The following BANP variants were observed in gnomAD, a reference collection of about 807,000 sequenced individuals.
BANP encodes the protein BTG3 associated nuclear protein.
In BANP, 11 loss-of-function variants were observed where a neutral mutation model predicts 68.1. The observed-to-expected ratio is 0.16, with a 90% CI of 0.10 to 0.27. The LOEUF is 0.27. Among genes scored for constraint, BANP ranks in the 10% least tolerant of loss-of-function variants. The pLI is 1.00. For missense variants in BANP, 504 were observed against 722.7 expected, an observed-to-expected ratio of 0.70 and a Z score of 3.47; for synonymous variants, 329 against 303.2, an observed-to-expected ratio of 1.09 and a Z score of -0.88.
intron 12 of BANP, among the ~76,000 whole-genome samples, chr16:88,069,542 A>G (rs2089760961): frequency 6.6e-6 from 1 of 152,090 alleles, no homozygotes; most frequent in Non-Finnish European, 1.5e-5. Flanking sequence ...GTGGTGGCCC[A>G]GGAGAGTGCC....
At chr16:87,990,809 C>A (rs548693768) in intron 4 of BANP, among the ~76,000 whole-genome samples, 3 of 152,304 alleles carry the variant, frequency 2.0e-5, no homozygotes, top group Admixed American at 2.0e-4. Context: ...GTCGCCCAGG[C>A]TGGAGTGCAG....
At position 87,975,111 on chromosome 16, in the gene BANP, T is replaced by C. The variant is rs1262757252; in HGVS notation, c.-5T>C. On this transcript the variant is annotated 5_prime_UTR_variant, in exon 2 of 14. Transcript: ENST00000682872. ...CGTGTTGACCGGCCACTCTCCGTGC[T>C]CTGGATGATGTCGGAACACGACCTG... The C allele has an allele frequency of 1.2e-6, 2 of 1,613,770 alleles. No homozygotes were observed. Among genetic ancestry groups the C allele is most frequent in the African/African-American group, 1.3e-5 (1 of 74,888 alleles).
intron 7 of BANP, among the ~76,000 whole-genome samples, chr16:88,026,535 GA>G (rs1358545951): frequency 2.0e-5 from 3 of 152,164 alleles, no homozygotes; most frequent in African/African-American, 7.2e-5. Flanking sequence ...GTGCATACAT[GA>G]ATTCTCCAAA....
rs143213419 is a variant in BANP at position 88,060,026 on chromosome 16, T to C, written c.1312-5241T>C. ...GAGACTGGCTTGGCGCAGCTGTCTGTCTCTGGGCCTTCCTCTGAAGATGGC... is the reference window on the plus strand; with the variant it reads ...GAGACTGGCTTGGCGCAGCTGTCTGCCTCTGGGCCTTCCTCTGAAGATGGC... On this transcript the variant is annotated intron_variant, in intron 11 of 13. Transcript: ENST00000682872. 7.9e-3 allele frequency among the ~76,000 whole-genome samples: 1,202 copies of C among 152,334 alleles called. 13 individuals are homozygous for C. Among genetic ancestry groups the C allele is most frequent in the African/African-American group, 0.027 (1,135 of 41,586 alleles).
chr16:88,043,197 C>T (rs1246632759), intron 11 of BANP, among the ~76,000 whole-genome samples: 1 of 152,234 alleles, frequency 6.6e-6, no homozygotes, highest in Non-Finnish European at 1.5e-5. Context: ...GGAAGCCAAA[C>T]AGCCACTGCT....
chr16:87,974,512 G>T (rs2061672702), intron 1 of BANP, among the ~76,000 whole-genome samples: 1 of 152,238 alleles, frequency 6.6e-6, no homozygotes, highest in Non-Finnish European at 1.5e-5. Flanking sequence ...CGCCGGGCCT[G>T]TGGGGTAGCA....
chr16:88,019,589 G>A (rs192244641), intron 7 of BANP, among the ~76,000 whole-genome samples: 7 of 6,112 alleles, frequency 1.1e-3, no homozygotes, highest in African/African-American at 2.9e-3. Flanking sequence ...CCGGGATCTC[G>A]GCGTGCGGGA....
intron 11 of BANP, among the ~76,000 whole-genome samples, chr16:88,040,138 T>G (rs900664072): frequency 6.6e-6 from 1 of 152,186 alleles, no homozygotes; most frequent in African/African-American, 2.4e-5. Flanking sequence ...ACATGGCCCC[T>G]GCTTCTCTTG....
At chr16:88,019,148 G>A (rs180769685) in intron 7 of BANP, among the ~76,000 whole-genome samples, 195 of 152,314 alleles carry the variant, frequency 1.3e-3, no homozygotes, top group African/African-American at 4.2e-3. Flanking sequence ...GGAGCCAGGA[G>A]AGCTCCAAAG....
chr16:88,054,133 A>G (rs1182948490), intron 11 of BANP, among the ~76,000 whole-genome samples: 1 of 110,542 alleles, frequency 9.0e-6, no homozygotes, highest in Non-Finnish European at 2.1e-5. Flanking sequence ...AACCACCTTA[A>G]CAAACACTAC....
intron 4 of BANP, among the ~76,000 whole-genome samples, chr16:87,992,915 C>T (rs1383153288): frequency 6.6e-5 from 10 of 152,218 alleles, no homozygotes; most frequent in Non-Finnish European, 7.3e-5. Flanking sequence ...ATGGTACCCA[C>T]TGTATGTTTC....
At chr16:87,986,346 A>G (rs2064414992) in intron 4 of BANP, among the ~76,000 whole-genome samples, 1 of 152,218 alleles carries the variant, frequency 6.6e-6, no homozygotes, top group African/African-American at 2.4e-5. Context: ...ATTGGTCGTT[A>G]GATTCCACCG....
chr16:88,075,968 A>AC (rs2091522417), intron 13 of BANP, among the ~76,000 whole-genome samples: 2 of 149,674 alleles, frequency 1.3e-5, no homozygotes, highest in South Asian at 4.2e-4. Flanking sequence ...CTAGGCTTGA[A>AC]CTCCTGACCT....
At chr16:87,960,549 G>A (rs976708600) in intron 1 of BANP, among the ~76,000 whole-genome samples, 1 of 152,216 alleles carries the variant, frequency 6.6e-6, no homozygotes, top group Admixed American at 6.5e-5. Context: ...CATAGGGAGT[G>A]CCCTTGTGCC....
intron 7 of BANP, among the ~76,000 whole-genome samples, chr16:88,020,003 C>G (rs767628815): frequency 6.6e-6 from 1 of 152,144 alleles, no homozygotes; most frequent in African/African-American, 2.4e-5. Flanking sequence ...AGGCGTGTGC[C>G]CCAGCTGTCA....
intron 1 of BANP, among the ~76,000 whole-genome samples, chr16:87,953,144 AT>A (rs1373828620): frequency 1.3e-5 from 2 of 151,956 alleles, no homozygotes; most frequent in South Asian, 2.1e-4. Flanking sequence ...ACTTGCTCAG[AT>A]TTACAGAGCC....
chr16:88,071,339 A>C lies in BANP; in HGVS notation c.1378-730A>C. 2.6e-6 allele frequency: 1 copy of C among 378,284 alleles called. No individual in the cohort carries two copies. The allele number at this position is 378,284 out of a possible 1,614,324, so 23.4% of individuals were successfully genotyped here. A position where few individuals can be genotyped will look rare whatever the true frequency, so the allele number is the denominator to read the frequency against. ...CTTGACACCGGAGCTGCCTGCCTGG[A>C]TGTTGGAGCGCCCAGTGGATTGAGT... On this transcript the variant is annotated intron_variant, in intron 12 of 13. Coordinates refer to ENST00000682872, the MANE Select transcript of BANP (RefSeq NM_001386991.1). This position sits in a 1 kb window ranked among gnomAD's most constrained non-coding sequence, Gnocchi z 6.5.
chr16:88,014,605 A>C (rs1373694441), intron 6 of BANP, among the ~76,000 whole-genome samples: 2 of 151,748 alleles, frequency 1.3e-5, no homozygotes, highest in East Asian at 3.9e-4. Context: ...GAGCACTGTT[A>C]ATTCCTGAGA....
chr16:88,033,063 C>G lies in BANP; in HGVS notation c.1064-46C>G, dbSNP rs567503621. The G allele has an allele frequency of 5.6e-5, 86 of 1,545,794 alleles. 1 individual carries two copies. In the Admixed American group the frequency reaches 1.0e-3, roughly 19 times the overall value. ...GCACACATGCCACACCAGGCAATGC[C>G]TAAGAAACTTCTCGTTCACCCCGTT... On this transcript the variant is annotated intron_variant, in intron 8 of 13. Transcript: ENST00000682872.
Sources: gnomAD v4.1 joint callset for allele counts (sites outside exome capture counted in the v4.1 genomes callset) on GRCh38, gnomAD v4.1.1 for gene constraint, Gnocchi (gnomAD v3.1) non-coding constraint, MANE v1.5 for transcripts, NCBI Gene and HGNC (gene_info 2026-07-23, HGNC 2026-07-21) for gene names.